The following APP variants were observed in gnomAD, a reference collection of about 807,000 sequenced individuals.
APP encodes amyloid-beta precursor protein.
APP carries 31 observed loss-of-function variants against 101.4 expected under a neutral mutation model. The observed-to-expected ratio is 0.31, with a 90% CI of 0.23 to 0.41. The LOEUF is 0.41. Ranked by LOEUF, APP falls within the 10% of genes least tolerant of loss-of-function variation. The pLI is 1.00. For synonymous variants in APP, 366 were observed against 364.4 expected (o/e 1.00, Z -0.05); for missense variants, 839 against 1,003.7 (o/e 0.84, Z 2.22).
chr21:26,170,661 T>G lies in APP; in HGVS notation c.-41A>C. 1 of 1,519,170 alleles carries G rather than the reference T, an allele frequency of 6.6e-7. No individual in the cohort carries two copies. The highest frequency in any genetic ancestry group is 8.8e-7 in the Non-Finnish European group (1 of 1,138,934). 94.1% of individuals were successfully genotyped at this position (1,519,170 alleles called of 1,614,324 possible). A position where few individuals can be genotyped will look rare whatever the true frequency, so the allele number is the denominator to read the frequency against. ...GGCACCGAGTGCGCTGCTGTGCGAG[T>G]GGGATCCGCCGCGTCCTTGCTCTGC... On this transcript the variant is annotated 5_prime_UTR_variant, in exon 1 of 18. Coordinates refer to ENST00000346798, the MANE Select transcript of APP (RefSeq NM_000484.4).
intron 13 of APP, among the ~76,000 whole-genome samples, chr21:25,948,292 T>C (rs183881497): frequency 2.8e-4 from 43 of 152,228 alleles, no homozygotes; most frequent in Middle Eastern, 3.4e-3. Flanking sequence ...CCTAGTCTAC[T>C]TTGGACCCAC....
rs558029511 is a variant in APP, at chr21:26,123,603, G to A, written c.58-11457C>T. On this transcript the variant is annotated intron_variant, in intron 1 of 17. Coordinates refer to ENST00000346798, the MANE Select transcript of APP (RefSeq NM_000484.4). ...CTCAGATTCACAGAAGGAATTTTTC[G>A]AATTGCCATTTCTATAGGAATAAAG... Among the ~76,000 whole-genome samples the A allele has an allele frequency of 2.9e-3, 442 of 152,212 alleles. 3 individuals are homozygous for A. Among genetic ancestry groups the A allele is most frequent in the Non-Finnish European group, 5.0e-3 (338 of 68,014 alleles).
chr21:25,915,973 G>A (rs941725419), intron 13 of APP, among the ~76,000 whole-genome samples: 6 of 143,618 alleles, frequency 4.2e-5, no homozygotes, highest in East Asian at 2.0e-4. Flanking sequence ...CTTAGCCTTC[G>A]TTTTTTTTTT....
intron 6 of APP, 118 bp from the exon 7 acceptor site, chr21:26,000,300 G>T: frequency 7.9e-7 from 1 of 1,273,112 alleles, no homozygotes; most frequent in Non-Finnish European, 1.1e-6. Context: ...GGTTTATTAG[G>T]CAGCATCTAC....
intron 1 of APP, among the ~76,000 whole-genome samples, chr21:26,153,163 C>T (rs1271136889): frequency 6.6e-6 from 1 of 152,112 alleles, no homozygotes; most frequent in Non-Finnish European, 1.5e-5. Context: ...TAATAGGGGA[C>T]TAGGGATTAA....
In APP at chr21:25,882,259, G is replaced by C. The variant is rs535905598; in HGVS notation, c.2212-488C>G. On this transcript the variant is annotated intron_variant, in intron 17 of 17. Coordinates refer to ENST00000346798, the MANE Select transcript of APP (RefSeq NM_000484.4). ...AAAATACTCGATTTCCTGGACTGCT[G>C]AATTTAGTCTAGCCCATTTCTATCA... Among the ~76,000 whole-genome samples the C allele has an allele frequency of 5.9e-5, 9 of 151,408 alleles. 1 individual carries two copies. The South Asian group carries it at 1.9e-3, about 32-fold the overall frequency.
chr21:26,039,344 A>T (rs766676917), intron 5 of APP, among the ~76,000 whole-genome samples: 4 of 152,256 alleles, frequency 2.6e-5, no homozygotes, highest in Non-Finnish European at 4.4e-5. Context: ...TAGGTCACTA[A>T]GCAAAAAATC....
At chr21:26,140,351 T>G (rs540398667) in intron 1 of APP, 3 of 1,504,998 alleles carry the variant, frequency 2.0e-6, no homozygotes, top group Non-Finnish European at 2.7e-6. Context: ...ATGTCAACAC[T>G]AACCCAACTT....
chr21:25,981,179 A>T (rs370357653), intron 9 of APP, among the ~76,000 whole-genome samples: 1 of 152,216 alleles, frequency 6.6e-6, no homozygotes, highest in Non-Finnish European at 1.5e-5. Flanking sequence ...TCCTGGGGTC[A>T]GCAGGGACCC....
intron 15 of APP, among the ~76,000 whole-genome samples, chr21:25,901,290 C>T (rs2038453851): frequency 2.5e-5 from 2 of 79,938 alleles, no homozygotes; most frequent in African/African-American, 1.0e-4. Context: ...GAGACAAATC[C>T]TGTTTTAAAA....
chr21:25,890,617 T>C (rs2037627770), intron 17 of APP, among the ~76,000 whole-genome samples: 1 of 149,634 alleles, frequency 6.7e-6, no homozygotes, highest in African/African-American at 2.5e-5. Context: ...CGTGTGCCCA[T>C]AGTCCCAGCT....
chr21:25,999,342 A>C (rs1268071195), intron 7 of APP, among the ~76,000 whole-genome samples: 1 of 152,140 alleles, frequency 6.6e-6, no homozygotes, highest in Non-Finnish European at 1.5e-5. Context: ...ATGTCATTGA[A>C]AGTTTCTCAC....
chr21:26,084,829 T>C (rs2061672027), intron 3 of APP, among the ~76,000 whole-genome samples: 1 of 152,234 alleles, frequency 6.6e-6, no homozygotes, highest in African/African-American at 2.4e-5. Context: ...TTTTCAAAAC[T>C]AAAGTGTATT....
chr21:26,044,857 A>T (rs1278004856), intron 5 of APP, among the ~76,000 whole-genome samples: 1 of 152,170 alleles, frequency 6.6e-6, no homozygotes, highest in Non-Finnish European at 1.5e-5. Flanking sequence ...TATTTCTAAG[A>T]ATAAAAAGGA....
At chr21:25,895,704 C>G (rs183100677) in intron 16 of APP, among the ~76,000 whole-genome samples, 5 of 152,204 alleles carry the variant, frequency 3.3e-5, no homozygotes, top group Middle Eastern at 3.4e-3. Flanking sequence ...GTGTTTTACT[C>G]GTGGTTTATA....
At chr21:25,936,060 T>C (rs553990284) in intron 13 of APP, among the ~76,000 whole-genome samples, 4 of 152,176 alleles carry the variant, frequency 2.6e-5, no homozygotes, top group Non-Finnish European at 5.9e-5. Context: ...AAATAGACAG[T>C]AGCTGAGGAA....
At chr21:26,116,041 G>A (rs1367847542) in intron 1 of APP, among the ~76,000 whole-genome samples, 1 of 152,124 alleles carries the variant, frequency 6.6e-6, no homozygotes, top group Non-Finnish European at 1.5e-5. Context: ...GACTGAATAT[G>A]AAGGTAATTC....
rs141915364 is a variant in APP, at chr21:26,091,169, G to A, written c.226-1097C>T. On this transcript the variant is annotated intron_variant, in intron 2 of 17. Coordinates refer to ENST00000346798, the MANE Select transcript of APP (RefSeq NM_000484.4). ...AAATAACAACGAATAGAGAAGTGAC[G>A]GTATAAGCAAGGGAATGATTAGAAT... 7.9e-5 allele frequency among the ~76,000 whole-genome samples: 12 copies of A among 152,296 alleles called. No homozygotes were observed. The East Asian group carries it at 2.1e-3, about 27-fold the overall frequency.
At chr21:26,113,885 A>G (rs1274159312) in intron 1 of APP, among the ~76,000 whole-genome samples, 4 of 152,252 alleles carry the variant, frequency 2.6e-5, no homozygotes, top group African/African-American at 9.6e-5. Context: ...ACACTGCAAA[A>G]ACATTAAAGA....
Sources: gnomAD v4.1 joint callset for allele counts (sites outside exome capture counted in the v4.1 genomes callset) on GRCh38, gnomAD v4.1.1 for gene constraint, MANE v1.5 for transcripts, NCBI Gene and HGNC (gene_info 2026-07-23, HGNC 2026-07-21) for gene names.